CLPB: variants seen among roughly 807,000 people sequenced by gnomAD.
The protein encoded by CLPB is mitochondrial disaggregase.
CLPB carries 40 observed loss-of-function variants against 78.4 expected under a neutral mutation model. That is an observed-to-expected ratio of 0.51 (90% CI 0.40 to 0.66). The LOEUF (loss-of-function observed/expected upper bound fraction) is 0.66. Among genes scored for constraint, CLPB ranks in the 30% least tolerant of loss-of-function variants. The pLI, the probability that CLPB is intolerant of heterozygous loss-of-function variation, is 0.00. For synonymous variants in CLPB, 333 were observed against 348.0 expected (o/e 0.96, Z 0.48); for missense variants, 780 against 886.9 (o/e 0.88, Z 1.53).
At chr11:72,359,889 G>A (rs1950801589) in intron 4 of CLPB, among the ~76,000 whole-genome samples, 1 of 152,164 alleles carries the variant, frequency 6.6e-6, no homozygotes, top group South Asian at 2.1e-4. Context: ...TTCTCACTCT[G>A]ATTTGATATA....
At chr11:72,396,996 A>G (rs1001828430) in intron 3 of CLPB, among the ~76,000 whole-genome samples, 1 of 152,254 alleles carries the variant, frequency 6.6e-6, no homozygotes, top group Non-Finnish European at 1.5e-5. Context: ...ATAATTATAT[A>G]CATTCATGTA....
At chr11:72,426,204 G>A (rs1032326816) in intron 2 of CLPB, among the ~76,000 whole-genome samples, 32 of 152,346 alleles carry the variant, frequency 2.1e-4, no homozygotes, top group African/African-American at 7.7e-4. Context: ...CCCCTGCTGG[G>A]AGAAGGGAGA....
At chr11:72,385,888 T>C (rs1439280591) in intron 3 of CLPB, among the ~76,000 whole-genome samples, 3 of 152,226 alleles carry the variant, frequency 2.0e-5, no homozygotes, top group African/African-American at 4.8e-5. Flanking sequence ...TATAAGACTA[T>C]TCCATGCTTG....
At position 72,339,800 on chromosome 11, in the gene CLPB, C is replaced by A. The variant is rs145926209; in HGVS notation, c.776-9996G>T. Among the ~76,000 whole-genome samples, 388 of 152,304 alleles carry A rather than the reference C, an allele frequency of 2.5e-3. 4 individuals are homozygous for A. Among genetic ancestry groups the A allele is most frequent in the African/African-American group, 7.7e-3 (321 of 41,562 alleles). ...ATTACAGACCTCAGCACATGGAAGG[C>A]TGGCTTTAGTTTAGATTAAGTCAGA... is the stretch of plus-strand genomic sequence containing the variant. On this transcript the variant is annotated intron_variant, in intron 5 of 15. Coordinates refer to ENST00000538039, the MANE Select transcript of CLPB (RefSeq NM_001258392.3).
chr11:72,433,852 C>A (rs1003321688), intron 1 of CLPB, among the ~76,000 whole-genome samples: 1 of 152,088 alleles, frequency 6.6e-6, no homozygotes, highest in African/African-American at 2.4e-5. Flanking sequence ...TAAAATGATG[C>A]CCAGAGAGGG....
intron 2 of CLPB, among the ~76,000 whole-genome samples, chr11:72,411,334 A>G (rs1199805879): frequency 6.6e-6 from 1 of 152,242 alleles, no homozygotes; most frequent in East Asian, 1.9e-4. Context: ...GCAGCTTCTC[A>G]GTCTCAGGGC....
chr11:72,307,057 G>A, intron 9 of CLPB, 142 bp downstream of exon 9: 1 of 658,860 alleles, frequency 1.5e-6, no homozygotes, highest in Non-Finnish European at 2.6e-6. Context: ...CCAAGTTGGG[G>A]CCAGAGCTGA....
At chr11:72,339,287 G>C (rs1950375127) in intron 5 of CLPB, among the ~76,000 whole-genome samples, 1 of 152,188 alleles carries the variant, frequency 6.6e-6, no homozygotes, top group Non-Finnish European at 1.5e-5. Context: ...ATGTGATTGA[G>C]AAAGGAAAGG....
At chr11:72,293,762 C>G (rs1234152773) in intron 15 of CLPB, 147 bp from the exon 16 acceptor site, 1 of 1,057,412 alleles carries the variant, frequency 9.5e-7, no homozygotes, top group East Asian at 2.6e-5. Context: ...CTAATAACAG[C>G]TAGCTCGCAG....
chr11:72,402,227 C>T (rs1855584275), intron 3 of CLPB, among the ~76,000 whole-genome samples: 2 of 152,194 alleles, frequency 1.3e-5, no homozygotes, highest in African/African-American at 4.8e-5. Context: ...TACCACTGCA[C>T]TCCAGCCTGG....
chr11:72,396,983 T>G (rs767505324), intron 3 of CLPB, among the ~76,000 whole-genome samples: 1 of 152,258 alleles, frequency 6.6e-6, no homozygotes, highest in African/African-American at 2.4e-5. Context: ...TTAATGAATT[T>G]TGATAATTAT....
At chr11:72,406,550 T>G (rs767579653) in intron 2 of CLPB, among the ~76,000 whole-genome samples, 1 of 152,190 alleles carries the variant, frequency 6.6e-6, no homozygotes, top group Non-Finnish European at 1.5e-5. Flanking sequence ...CCTTGGCATA[T>G]AGCAGGTATT....
intron 5 of CLPB, chr11:72,352,786 C>G (rs1950637301): frequency 6.6e-6 from 1 of 152,202 alleles, no homozygotes; most frequent in East Asian, 1.9e-4. Context: ...GGGCTTGTGG[C>G]AGCAGAGATG....
At chr11:72,342,583 C>T (rs1393783510) in intron 5 of CLPB, among the ~76,000 whole-genome samples, 1 of 152,138 alleles carries the variant, frequency 6.6e-6, no homozygotes, top group African/African-American at 2.4e-5. Context: ...GAGGTGGCAG[C>T]AGGTTCTATG....
chr11:72,294,885 T>C (rs922073796), intron 12 of CLPB, among the ~76,000 whole-genome samples, 192 bp from the exon 13 acceptor site: 1 of 152,228 alleles, frequency 6.6e-6, no homozygotes, highest in East Asian at 1.9e-4. Context: ...CCTTTCCAGC[T>C]CTCAAGTGTA....
At chr11:72,296,106 C>A (rs472837) in intron 11 of CLPB, among the ~76,000 whole-genome samples, 1 of 152,008 alleles carries the variant, frequency 6.6e-6, no homozygotes, top group African/African-American at 2.4e-5. Context: ...CAATATGTTA[C>A]GTATGATAAT....
intron 2 of CLPB, among the ~76,000 whole-genome samples, chr11:72,424,499 A>T (rs1267835752): frequency 6.6e-6 from 1 of 152,188 alleles, no homozygotes; most frequent in Non-Finnish European, 1.5e-5. Flanking sequence ...TCAGGCCTGT[A>T]ATCCCAGCAC....
intron 3 of CLPB, among the ~76,000 whole-genome samples, chr11:72,383,971 C>G (rs182754384): frequency 4.1e-4 from 63 of 152,308 alleles, no homozygotes; most frequent in African/African-American, 1.4e-3. Context: ...AACCCCATCT[C>G]TACCAAAAAC....
chr11:72,411,334 A>C (rs1199805879), intron 2 of CLPB, among the ~76,000 whole-genome samples: 1 of 152,242 alleles, frequency 6.6e-6, no homozygotes, highest in Non-Finnish European at 1.5e-5. Flanking sequence ...GCAGCTTCTC[A>C]GTCTCAGGGC....
Sources: allele counts gnomAD v4.1 joint callset (sites outside exome capture counted in the v4.1 genomes callset), GRCh38; gene constraint gnomAD v4.1.1; transcripts MANE v1.5; gene names NCBI Gene and HGNC (gene_info 2026-07-23, HGNC 2026-07-21).